Variants in MRE11 observed in about 807,000 individuals in gnomAD.
The protein encoded by MRE11 is double-strand break repair protein MRE11.
Under a neutral mutation model 91.7 loss-of-function variants are expected in MRE11, and 62 were observed. The ratio of observed to expected loss-of-function variants is 0.68; its 90% CI spans 0.55 to 0.84. MRE11 has a LOEUF of 0.84. Among genes scored for constraint, MRE11 ranks in the 40% least tolerant of loss-of-function variants. The pLI, the probability that MRE11 is intolerant of heterozygous loss-of-function variation, is 0.00. For synonymous variants in MRE11, 273 were observed against 271.4 expected, an observed-to-expected ratio of 1.01 and a Z score of -0.06; for missense variants, 796 against 852.9, an observed-to-expected ratio of 0.93 and a Z score of 0.83.
chr11:94,495,393 A>C (rs1458192751), upstream of MRE11, among the ~76,000 whole-genome samples: 1 of 152,218 alleles, frequency 6.6e-6, no homozygotes, highest in African/African-American at 2.4e-5. Flanking sequence ...CTTATCTTTC[A>C]GCTTATAATC....
At chr11:94,473,952 G>A (rs1946782720) in intron 7 of MRE11, among the ~76,000 whole-genome samples, 1 of 152,116 alleles carries the variant, frequency 6.6e-6, no homozygotes, top group African/African-American at 2.4e-5. Flanking sequence ...AGACAAAAAT[G>A]GACCTTGTAG....
intron 19 of MRE11, among the ~76,000 whole-genome samples, chr11:94,421,884 A>G (rs182422742): frequency 1.3e-5 from 2 of 152,326 alleles, no homozygotes; most frequent in Non-Finnish European, 2.9e-5. Context: ...GTGGAATGGT[A>G]GTTACCAGGG....
At chr11:94,502,834 C>T in the MRE11 span, among the ~76,000 whole-genome samples, 1 of 152,072 alleles carries the variant, frequency 6.6e-6, no homozygotes, top group African/African-American at 2.4e-5. Flanking sequence ...CTACCATGCC[C>T]AGCTAATTTT....
In MRE11 at chr11:94,447,268, A is replaced by G. The variant is rs1945960463; in HGVS notation, c.1734T>C (p.Gly578=). ...TCGATGCTGAATTCTGCCCTCTTCCACCTCTTCGACCTCTTCCTCGGCCTC... is the reference window on the plus strand; with the variant it reads ...TCGATGCTGAATTCTGCCCTCTTCCGCCTCTTCGACCTCTTCCTCGGCCTC... ...KGRGRGRGRR[G]GRGQNSASRG... is the part of the protein sequence containing the mutation. The change falls in exon 15 of 20, where the codon GGT becomes GGC. Residue 578 remains glycine, a synonymous_variant. Coordinates refer to ENST00000323929, the MANE Select transcript of MRE11 (RefSeq NM_005591.4). 1.2e-6 allele frequency: 2 copies of G among 1,613,140 alleles called. No individual in the cohort carries two copies. Among genetic ancestry groups the G allele is most frequent in the Non-Finnish European group, 1.7e-6 (2 of 1,179,808 alleles).
At chr11:94,475,584 C>G (rs143489537) in intron 7 of MRE11, 2 of 455,706 alleles carry the variant, frequency 4.4e-6, no homozygotes, top group East Asian at 1.4e-4. Context: ...AATCTTGCTT[C>G]TTCAAGTCTG....
intron 15 of MRE11, among the ~76,000 whole-genome samples, chr11:94,446,308 G>A (rs1405340627): frequency 6.6e-6 from 1 of 152,300 alleles, no homozygotes; most frequent in East Asian, 1.9e-4. Flanking sequence ...CTGGGAGGCT[G>A]AGGCAGGAGA....
At chr11:94,422,747 C>T (rs1945207147) in intron 19 of MRE11, among the ~76,000 whole-genome samples, 3 of 151,540 alleles carry the variant, frequency 2.0e-5, no homozygotes, top group Admixed American at 1.3e-4. Context: ...GAGTTTCGCT[C>T]GTGTTGCCCA....
In MRE11 at chr11:94,417,639, G is replaced by A. The variant is rs1945063713; in HGVS notation, c.*2486C>T. ...AAGTTAGGGCTTGTTACCCAGAAAG[G>A]AGAAAACAATATAATGGGCATCCAG... On this transcript the variant is annotated 3_prime_UTR_variant, in exon 20 of 20. Coordinates refer to ENST00000323929, the MANE Select transcript of MRE11 (RefSeq NM_005591.4). The A allele has an allele frequency of 4.3e-6, 1 of 232,956 alleles. No homozygotes were observed. Among genetic ancestry groups the A allele is most frequent in the Non-Finnish European group, 8.5e-6 (1 of 117,946 alleles). The allele number at this position is 232,956 out of a possible 1,614,324, so 14.4% of individuals were successfully genotyped here.
chr11:94,425,449 CA>C (rs1044498460), intron 19 of MRE11, among the ~76,000 whole-genome samples: 12 of 152,138 alleles, frequency 7.9e-5, no homozygotes, highest in African/African-American at 2.9e-4. Context: ...ATCAAGTCTA[CA>C]AAACAACCAG....
At chr11:94,509,137 A>G in the MRE11 span, among the ~76,000 whole-genome samples, 3 of 152,358 alleles carry the variant, frequency 2.0e-5, no homozygotes, top group Admixed American at 6.5e-5. Context: ...GAGGAAAATT[A>G]ACATCATTGT....
chr11:94,498,281 G>C, upstream of MRE11: 2 of 1,614,138 alleles, frequency 1.2e-6, no homozygotes, highest in South Asian at 2.2e-5. Context: ...TACCAGAGTG[G>C]CTTCTTTCTT....
the MRE11 span, among the ~76,000 whole-genome samples, chr11:94,507,706 T>C: frequency 6.6e-6 from 1 of 152,198 alleles, no homozygotes; most frequent in Non-Finnish European, 1.5e-5. Context: ...TAGCTCATTG[T>C]AGTTTTAATT....
rs541144163 is a variant in MRE11, at chr11:94,472,568, A to G, written c.660-809T>C. Reference sequence around the variant, plus strand: ...CTTGTTCTAGTGTGGGAAACAAGCAATGCAGGTTGAGTCCCTAATCTGAAA... The same window carrying G: ...CTTGTTCTAGTGTGGGAAACAAGCAGTGCAGGTTGAGTCCCTAATCTGAAA... On this transcript the variant is annotated intron_variant, in intron 7 of 19. Transcript: ENST00000323929. Among the ~76,000 whole-genome samples the G allele has an allele frequency of 1.9e-3, 289 of 152,248 alleles. 2 individuals are homozygous for G. The highest frequency in any genetic ancestry group is 3.5e-3 in the Non-Finnish European group (241 of 67,970).
chr11:94,445,770 T>C (rs758535027), intron 16 of MRE11, 40 bp downstream of exon 16: 18 of 1,448,350 alleles, frequency 1.2e-5, no homozygotes, highest in Admixed American at 1.7e-5. Context: ...GTCTTTCTAA[T>C]GTTGGAATTT....
At chr11:94,472,474 C>A (rs187189577) in intron 7 of MRE11, among the ~76,000 whole-genome samples, 139 of 152,220 alleles carry the variant, frequency 9.1e-4, no homozygotes, top group African/African-American at 3.3e-3. Context: ...GTTACCCAAA[C>A]ACTGTCTACT....
chr11:94,495,217 T>C (rs1008709858), upstream of MRE11, among the ~76,000 whole-genome samples: 1 of 152,190 alleles, frequency 6.6e-6, no homozygotes, highest in Non-Finnish European at 1.5e-5. Context: ...CTTGTGAGAT[T>C]AGGTATCAAG....
chr11:94,485,172 T>TA (rs1947107887), intron 4 of MRE11, among the ~76,000 whole-genome samples: 5 of 152,058 alleles, frequency 3.3e-5, no homozygotes, highest in Admixed American at 3.3e-4. Context: ...GAGAATTGCT[T>TA]GAACCCAGGA....
At position 94,490,819 on chromosome 11, in the gene MRE11, C is replaced by G. The variant is rs781257130; in HGVS notation, c.153+14G>C. On this transcript the variant is annotated intron_variant, in intron 3 of 19. Coordinates refer to ENST00000323929, the MANE Select transcript of MRE11 (RefSeq NM_005591.4). ...GAATATGGTAGATAGTGCACAAATACAAACCACACTCACTTCATTTTCCTG... is the reference window on the plus strand; with the variant it reads ...GAATATGGTAGATAGTGCACAAATAGAAACCACACTCACTTCATTTTCCTG... 15 of 1,613,386 alleles carry G rather than the reference C, an allele frequency of 9.3e-6. No homozygotes were observed. Among genetic ancestry groups the G allele is most frequent in the Admixed American group, 1.7e-5 (1 of 60,024 alleles).
upstream of MRE11, among the ~76,000 whole-genome samples, chr11:94,495,611 T>C (rs1218951233): frequency 6.6e-6 from 1 of 152,202 alleles, no homozygotes; most frequent in Non-Finnish European, 1.5e-5. Flanking sequence ...TTATTCTCCT[T>C]TTCTTTAATT....
Sources: gnomAD v4.1 joint callset for allele counts (sites outside exome capture counted in the v4.1 genomes callset) on GRCh38, gnomAD v4.1.1 for gene constraint, MANE v1.5 for transcripts, NCBI Gene and HGNC (gene_info 2026-07-23, HGNC 2026-07-21) for gene names.